ERAP1: variants seen among roughly 807,000 people sequenced by gnomAD.
ERAP1 encodes the protein endoplasmic reticulum aminopeptidase 1.
Under a neutral mutation model 103.7 loss-of-function variants are expected in ERAP1, and 86 were observed. The observed-to-expected ratio is 0.83, with a 90% confidence interval of 0.70 to 0.99. The LOEUF is 0.99. ERAP1 is among the 50% of genes least tolerant of loss of function. The pLI is 0.00. For synonymous variants in ERAP1, 398 were observed against 402.4 expected, an observed-to-expected ratio of 0.99 and a Z score of 0.13; for missense variants, 1,009 against 1,128.4, an observed-to-expected ratio of 0.89 and a Z score of 1.52.
Position 96,793,411 on chromosome 5 carries a change from C to T in ERAP1, c.1177G>A (p.Glu393Lys). 6.2e-7 allele frequency: 1 copy of T among 1,612,718 alleles called. No homozygotes were observed. The highest frequency in any genetic ancestry group is 8.5e-7 in the Non-Finnish European group (1 of 1,178,806). Residue 393 changes from glutamate (E) to lysine (K), a missense_variant, in exon 7 of 19, where the codon GAA becomes AAA. Glu to Lys is a moderately conservative substitution (Grantham distance 56). Coordinates refer to ENST00000443439, the MANE Select transcript of ERAP1 (RefSeq NM_001040458.3). Reference protein sequence around the residue: ...EFVSVSVTHPELKVGDYFFGK... With the variant: ...EFVSVSVTHPKLKVGDYFFGK... ...AAATAACTACTTACAACTTTCAGTT[C>T]AGGATGGGTCACACTGACAGACACA...
At chr5:96,770,744 G>C, downstream of ERAP1, 1 of 582,404 alleles carries the variant, frequency 1.7e-6, no homozygotes, top group Non-Finnish European at 3.1e-6. Flanking sequence ...GCATCGCTTG[G>C]TAAAGTAATT....
At chr5:96,919,816 T>C in the ERAP1 span, 1 of 152,276 alleles carries the variant, frequency 6.6e-6, no homozygotes, top group Non-Finnish European at 1.5e-5. Flanking sequence ...CCTGAATGAA[T>C]CAGATGTGAA....
the ERAP1 span, among the ~76,000 whole-genome samples, chr5:96,912,404 T>C: frequency 6.6e-6 from 1 of 152,142 alleles, no homozygotes; most frequent in Non-Finnish European, 1.5e-5. Context: ...GGTTAAAATT[T>C]TATGCTTATT....
the ERAP1 span, chr5:96,902,223 A>C: frequency 7.8e-7 from 1 of 1,289,534 alleles, no homozygotes; most frequent in Non-Finnish European, 1.1e-6. Context: ...CAATGTGAAA[A>C]ATCACAGCAG....
intron 4 of ERAP1, among the ~76,000 whole-genome samples, chr5:96,795,986 A>G (rs1187085169): frequency 6.6e-6 from 1 of 152,230 alleles, no homozygotes; most frequent in African/African-American, 2.4e-5. Flanking sequence ...TAGATTAGAC[A>G]TTACTAAAAT....
In ERAP1 at chr5:96,775,858, C is replaced by A. The variant is rs1774172306; in HGVS notation, c.*538G>T. The A allele has an allele frequency of 1.4e-6, 1 of 706,332 alleles. No homozygotes were observed. The highest frequency in any genetic ancestry group is 1.7e-6 in the Non-Finnish European group (1 of 573,236). The allele number at this position is 706,332 out of a possible 1,614,324, so 43.8% of individuals were successfully genotyped here. A position where few individuals can be genotyped will look rare whatever the true frequency, so the allele number is the denominator to read the frequency against. ...TCTCCGGCTCCCCACTGACCAACAT[C>A]CAAAGGGCAAGAAAGCTTGATGACT... On this transcript the variant is annotated 3_prime_UTR_variant, in exon 19 of 19. Transcript: ENST00000443439.
At position 96,776,206 on chromosome 5, in the gene ERAP1, A is replaced by AAAAC. The variant is rs1451551490; in HGVS notation, c.*186_*189dup. The AAAAC allele has an allele frequency of 1.3e-6, 2 of 1,513,368 alleles. No homozygotes were observed. Among genetic ancestry groups the AAAAC allele is most frequent in the Non-Finnish European group, 1.8e-6 (2 of 1,133,380 alleles). 93.7% of individuals were successfully genotyped at this position (1,513,368 alleles called of 1,614,324 possible). On this transcript the variant is annotated 3_prime_UTR_variant, in exon 19 of 19. Transcript: ENST00000443439. Reference sequence around the variant, plus strand: ...TTGCAGGGCAACACCTGTGATGAACAAAACACATGGTAGCGATAGCCCATT... The same window carrying AAAAC: ...TTGCAGGGCAACACCTGTGATGAACAAAACAAACACATGGTAGCGATAGCCCATT...
the ERAP1 span, among the ~76,000 whole-genome samples, chr5:96,834,996 G>A: frequency 1.3e-5 from 2 of 152,158 alleles, no homozygotes; most frequent in Non-Finnish European, 2.9e-5. Flanking sequence ...ACAACCGACT[G>A]AGAACCACCA....
chr5:96,859,732 A>G, the ERAP1 span, among the ~76,000 whole-genome samples: 1 of 152,144 alleles, frequency 6.6e-6, no homozygotes, highest in Non-Finnish European at 1.5e-5. Context: ...ATGACATAAT[A>G]TATATCAAAG....
chr5:96,917,536 A>G, the ERAP1 span: 1 of 1,614,074 alleles, frequency 6.2e-7, no homozygotes, highest in South Asian at 1.1e-5. Flanking sequence ...TGGAAACGAT[A>G]ACCAAAAATA....
rs1252391715 is a variant in ERAP1 at position 96,765,969 on chromosome 5, A to G, written c.2819-2741T>C. 6.2e-6 allele frequency: 5 copies of G among 802,010 alleles called. No homozygotes were observed. The East Asian group carries it at 1.2e-4, about 20-fold the overall frequency. The allele number at this position is 802,010 out of a possible 1,614,324, so 49.7% of individuals were successfully genotyped here. A position where few individuals can be genotyped will look rare whatever the true frequency, so the allele number is the denominator to read the frequency against. On this transcript the variant is annotated intron_variant, in intron 19 of 19. Coordinates refer to the ERAP1 transcript ENST00000296754. ...TGTTTTGCCTCATGAAAGTACAACA[A>G]ATGCTGAATGCTGCATTTGACAATG...
rs1278108857 is a variant in ERAP1, at chr5:96,803,655, C to A, written c.272G>T (p.Ser91Ile). 1.3e-5 allele frequency: 21 copies of A among 1,614,034 alleles called. No homozygotes were observed. The highest frequency in any genetic ancestry group is 1.8e-5 in the Non-Finnish European group (21 of 1,180,038). The change falls in exon 2 of 19, where the codon AGC (serine) becomes ATC (isoleucine). Residue 91 changes from serine to isoleucine, a missense_variant. Around this residue, in one of 3 missense-constraint regions of ERAP1, gnomAD observed 392 missense variants for 455.2 expected, o/e 0.86. Transcript: ENST00000443439. Reference sequence around the variant, plus strand: ...GTGGTGACTATGCAGGATGATGGTGCTGGTGGGCTGACTGGCTGTGATTTC... The same window carrying A: ...GTGGTGACTATGCAGGATGATGGTGATGGTGGGCTGACTGGCTGTGATTTC... The part of the protein sequence containing the change: ...KVEITASQPT[S>I]TIILHSHHLQ...
the ERAP1 span, among the ~76,000 whole-genome samples, chr5:96,865,025 C>A: frequency 6.6e-6 from 1 of 152,054 alleles, no homozygotes; most frequent in Non-Finnish European, 1.5e-5. Flanking sequence ...TATTTTTGTC[C>A]TTTAACTTTT....
the ERAP1 span, among the ~76,000 whole-genome samples, chr5:96,882,935 T>A: frequency 1.3e-5 from 2 of 152,160 alleles, no homozygotes; most frequent in Non-Finnish European, 2.9e-5. Flanking sequence ...CAAATTCACT[T>A]CTTAATTGAA....
At position 96,763,425 on chromosome 5, in the gene ERAP1, G is replaced by A. The variant is rs77217662; in HGVS notation, c.2819-197C>T. Among the ~76,000 whole-genome samples the A allele has an allele frequency of 4.7e-3, 713 of 152,268 alleles. 4 individuals are homozygous for A. The highest frequency in any genetic ancestry group is 0.016 in the African/African-American group (676 of 41,550). ...AAGAAAGTCCCCATGCAACAGAAAGGAAGAATCATTAATAGCCTAGGCTGC... is the reference window on the plus strand; with the variant it reads ...AAGAAAGTCCCCATGCAACAGAAAGAAAGAATCATTAATAGCCTAGGCTGC... On this transcript the variant is annotated intron_variant, in intron 19 of 19. Coordinates refer to the ERAP1 transcript ENST00000296754.
chr5:96,904,010 T>G, the ERAP1 span, among the ~76,000 whole-genome samples: 1 of 151,724 alleles, frequency 6.6e-6, no homozygotes, highest in Non-Finnish European at 1.5e-5. Flanking sequence ...TGTATTTATG[T>G]TATTAGCTGC....
chr5:96,848,304 G>A, the ERAP1 span, among the ~76,000 whole-genome samples: 1 of 152,262 alleles, frequency 6.6e-6, no homozygotes, highest in South Asian at 2.1e-4. Flanking sequence ...GCTGGCCTCA[G>A]CCTCCCAAAG....
chr5:96,763,227 A>G (rs1421457169), exon 20 of ERAP1: 2 of 780,778 alleles, frequency 2.6e-6, no homozygotes, highest in South Asian at 2.7e-5. Context: ...CTTCAGGATC[A>G]TCTGAAAATA....
the ERAP1 span, chr5:96,879,477 C>T: frequency 4.0e-6 from 2 of 496,472 alleles, no homozygotes; most frequent in South Asian, 3.2e-5. Flanking sequence ...TTTTCCCTTA[C>T]TCACACATAC....
Sources: gnomAD v4.1 joint callset for allele counts (sites outside exome capture counted in the v4.1 genomes callset) on GRCh38, gnomAD v4.1.1 for gene constraint, gnomAD v4.1.1 regional missense constraint, MANE v1.5 for transcripts, NCBI Gene and HGNC (gene_info 2026-07-23, HGNC 2026-07-21) for gene names.